Variants in ANXA7 observed in about 807,000 individuals in gnomAD.
ANXA7 encodes the protein annexin A7, also known as annexin VII.
ANXA7 carries 55 observed loss-of-function variants against 64.9 expected under a neutral mutation model. That is an observed-to-expected ratio of 0.85 (90% CI 0.68 to 1.06). The LOEUF (loss-of-function observed/expected upper bound fraction) is 1.06. ANXA7 is among the 50% of genes least tolerant of loss of function. The pLI is 0.00. For missense variants in ANXA7, 548 were observed against 582.1 expected (o/e 0.94, Z 0.60); for synonymous variants, 200 against 192.4 (o/e 1.04, Z -0.33).
intron 5 of ANXA7, among the ~76,000 whole-genome samples, chr10:73,391,170 T>TAAAA (rs547724690): frequency 1.8e-4 from 24 of 132,940 alleles, no homozygotes; most frequent in African/African-American, 6.6e-4. Context: ...CTCTGTCTCT[T>TAAAA]AAAAAAAAAA....
At chr10:73,396,132 TAAAGGTAA>T (rs753773232) in intron 5 of ANXA7, 1 of 1,508,990 alleles carries the variant, frequency 6.6e-7, no homozygotes, top group Admixed American at 1.7e-5. Flanking sequence ...TGAAAAGTTA[TAAAGGTAA>T]AAATGGGAAA....
chr10:73,393,600 A>C lies in ANXA7; in HGVS notation c.435+2919T>G, dbSNP rs569606312. On this transcript the variant is annotated intron_variant, in intron 5 of 12. Coordinates refer to ENST00000372921, the MANE Select transcript of ANXA7 (RefSeq NM_001156.5). ...CTTTGACAAACCTGACAAAAACAAG[A>C]AATGGGGAAAGGATTCCCTATTTAA... Among the ~76,000 whole-genome samples the C allele has an allele frequency of 1.1e-3, 175 of 152,220 alleles. 1 individual carries two copies. Among genetic ancestry groups the C allele is most frequent in the South Asian group, 3.7e-3 (18 of 4,820 alleles).
chr10:73,391,541 T>C (rs1358844371), intron 5 of ANXA7, among the ~76,000 whole-genome samples: 1 of 152,092 alleles, frequency 6.6e-6, no homozygotes, highest in Admixed American at 6.6e-5. Context: ...GAGCCCAGCA[T>C]TTCGAGGCTG....
At position 73,376,100 on chromosome 10, in the gene ANXA7, G is replaced by A; in HGVS notation, c.1396C>T (p.Gln466Ter). 1 of 1,569,136 alleles carries A rather than the reference G, an allele frequency of 6.4e-7. No homozygotes were observed. Among genetic ancestry groups the A allele is most frequent in the Non-Finnish European group, 8.6e-7 (1 of 1,163,756 alleles). Residue 466 changes from glutamine to a stop codon, truncating the protein, a stop_gained, in exon 13 of 13, where the codon CAG becomes TAG. Coordinates refer to ENST00000372921, the MANE Select transcript of ANXA7 (RefSeq NM_001156.5). LOFTEE classifies it high-confidence loss of function. ...YRRLLLAIVG[Q>*] is the part of the protein sequence containing the mutation. ...TAAAAAAAAAAAAATCCCTCCTACTGGCCCACAATAGCCAGAAGAAGTCTT... is the reference window on the plus strand; with the variant it reads ...TAAAAAAAAAAAAATCCCTCCTACTAGCCCACAATAGCCAGAAGAAGTCTT...
At chr10:73,390,089 G>A (rs2055444463) in intron 5 of ANXA7, among the ~76,000 whole-genome samples, 2 of 152,194 alleles carry the variant, frequency 1.3e-5, no homozygotes, top group South Asian at 2.1e-4. Flanking sequence ...TGTTTTCACT[G>A]CAGAAAACAC....
intron 1 of ANXA7, among the ~76,000 whole-genome samples, chr10:73,407,843 C>T (rs1397492789): frequency 6.6e-6 from 1 of 152,150 alleles, no homozygotes; most frequent in Non-Finnish European, 1.5e-5. Flanking sequence ...TAGATTGAAT[C>T]AAGGCTATAA....
chr10:73,408,304 A>G (rs915323049), intron 1 of ANXA7: 1 of 152,082 alleles, frequency 6.6e-6, no homozygotes, highest in African/African-American at 2.4e-5. Context: ...GAAAGAAAAG[A>G]CAAGACAAGA....
chr10:73,407,839 G>A (rs146595764), intron 1 of ANXA7, among the ~76,000 whole-genome samples: 110 of 152,296 alleles, frequency 7.2e-4, no homozygotes, highest in African/African-American at 2.6e-3. Context: ...GACATAGATT[G>A]AATCAAGGCT....
At chr10:73,390,856 G>C (rs1350174447) in intron 5 of ANXA7, among the ~76,000 whole-genome samples, 9 of 151,632 alleles carry the variant, frequency 5.9e-5, no homozygotes. Flanking sequence ...TCATCTTCCA[G>C]GCATTAAACT....
intron 12 of ANXA7, 96 bp downstream of exon 12, chr10:73,378,815 T>C (rs573758576): frequency 6.9e-6 from 6 of 863,938 alleles, no homozygotes; most frequent in Admixed American, 2.2e-5. Context: ...CTCTTTCTTA[T>C]CATTTTTGAG....
At chr10:73,411,031 A>T (rs1374124456) in intron 1 of ANXA7, among the ~76,000 whole-genome samples, 3 of 152,210 alleles carry the variant, frequency 2.0e-5, no homozygotes, top group African/African-American at 7.2e-5. Context: ...AACTGCAAAG[A>T]TGTGGAACCA....
intron 5 of ANXA7, among the ~76,000 whole-genome samples, chr10:73,393,586 C>G (rs1373093392): frequency 6.6e-6 from 1 of 152,046 alleles, no homozygotes; most frequent in East Asian, 1.9e-4. Context: ...TTTGACAAAC[C>G]TGACAAAAAC....
At chr10:73,387,895 G>A (rs1242098364) in intron 6 of ANXA7, 112 bp from the exon 7 acceptor site, 14 of 839,018 alleles carry the variant, frequency 1.7e-5, no homozygotes, top group Non-Finnish European at 2.5e-5. Context: ...CCCAGACTGG[G>A]GGTGCAAGTG....
At chr10:73,395,701 G>A (rs1278662326) in intron 5 of ANXA7, among the ~76,000 whole-genome samples, 2 of 151,714 alleles carry the variant, frequency 1.3e-5, no homozygotes, top group South Asian at 2.1e-4. Flanking sequence ...CAGGAAAATC[G>A]CTTGAACCCG....
rs1491310073 is a variant in ANXA7 at position 73,390,720 on chromosome 10, A to AT, written c.436-2307_436-2306insA. On this transcript the variant is annotated intron_variant, in intron 5 of 12. Transcript: ENST00000372921. ...TATATATATATATATATATATATAT[A>AT]AAAATATATATATACACACACACAC... Among the ~76,000 whole-genome samples the AT allele has an allele frequency of 5.5e-3, 615 of 112,530 alleles. 6 individuals carry two copies. The highest frequency in any genetic ancestry group is 0.042 in the East Asian group (108 of 2,556). 73.8% of individuals were successfully genotyped at this position (112,530 alleles called of 152,430 possible).
At chr10:73,407,738 G>A (rs934520671) in intron 1 of ANXA7, among the ~76,000 whole-genome samples, 3 of 152,180 alleles carry the variant, frequency 2.0e-5, no homozygotes, top group Non-Finnish European at 4.4e-5. Flanking sequence ...AGCCATTTGA[G>A]TACACAGTAT....
At chr10:73,378,829 C>T in intron 12 of ANXA7, 82 bp downstream of exon 12, 1 of 1,019,222 alleles carries the variant, frequency 9.8e-7, no homozygotes, top group South Asian at 1.4e-5. Flanking sequence ...TTTTGAGGGA[C>T]TGACAACCAA....
intron 5 of ANXA7, 91 bp from the exon 6 acceptor site, chr10:73,388,505 T>G (rs1406503301): frequency 2.1e-6 from 2 of 955,368 alleles, no homozygotes; most frequent in Non-Finnish European, 1.7e-6. Context: ...CAATCTTAAG[T>G]AAGAAGGCCA....
At chr10:73,380,957 C>T (rs2055265729) in intron 9 of ANXA7, among the ~76,000 whole-genome samples, 1 of 152,024 alleles carries the variant, frequency 6.6e-6, no homozygotes, top group African/African-American at 2.4e-5. Context: ...GGGTCTCTGC[C>T]CTCAAGAAAT....
Sources: allele counts gnomAD v4.1 joint callset (sites outside exome capture counted in the v4.1 genomes callset), GRCh38; gene constraint gnomAD v4.1.1; transcripts MANE v1.5; gene names NCBI Gene and HGNC (gene_info 2026-07-23, HGNC 2026-07-21).